Variants in CPNE4 observed in about 807,000 individuals in gnomAD.
CPNE4 encodes copine-4.
In CPNE4, 25 loss-of-function variants were observed where a neutral mutation model predicts 67.9. The ratio of observed to expected loss-of-function variants is 0.37; its 90% CI spans 0.27 to 0.51. The LOEUF (loss-of-function observed/expected upper bound fraction) is 0.51, where lower values mean the gene tolerates loss of function less well. Ranked by LOEUF, CPNE4 falls within the 20% of genes least tolerant of loss-of-function variation. CPNE4 has a pLI of 0.93. For missense variants in CPNE4, 464 were observed against 690.8 expected (o/e 0.67, Z 3.68); for synonymous variants, 242 against 244.9 (o/e 0.99, Z 0.11).
At chr3:132,036,955 T>C (rs1374900384), upstream of CPNE4, among the ~76,000 whole-genome samples, 1 of 152,178 alleles carries the variant, frequency 6.6e-6, no homozygotes, top group Non-Finnish European at 1.5e-5. Flanking sequence ...AAGAAAGTTT[T>C]ACTATATCTA....
intron 7 of CPNE4, among the ~76,000 whole-genome samples, chr3:131,657,176 G>A (rs1398464632): frequency 6.6e-6 from 1 of 152,172 alleles, no homozygotes. Flanking sequence ...TGTTAAACTT[G>A]TATATGATGC....
intron 7 of CPNE4, among the ~76,000 whole-genome samples, chr3:131,630,277 T>A (rs1160416072): frequency 6.6e-6 from 1 of 152,214 alleles, no homozygotes; most frequent in Admixed American, 6.5e-5. Flanking sequence ...TAACTTATTT[T>A]ACTTAATCAT....
intron 6 of CPNE4, among the ~76,000 whole-genome samples, chr3:131,674,054 A>C (rs1449517888): frequency 6.6e-6 from 1 of 151,848 alleles, no homozygotes; most frequent in East Asian, 1.9e-4. Context: ...ATGCTTCTTC[A>C]GTATTAATTG....
rs35525721 is a variant in CPNE4, at chr3:131,925,157, T to TTCTCTCTC, written c.-1-19721_-1-19714dup. On this transcript the variant is annotated intron_variant, in intron 1 of 15. Coordinates refer to ENST00000429747, the MANE Select transcript of CPNE4 (RefSeq NM_130808.3). Reference sequence around the variant, plus strand: ...TGATTCTCTCTCTCTTGTTCTCATATTCTCTCTCTCTCTCTCTCTCTCATA... The same window carrying TTCTCTCTC: ...TGATTCTCTCTCTCTTGTTCTCATATTCTCTCTCTCTCTCTCTCTCTCTCTCTCTCATA... 7.5e-5 allele frequency among the ~76,000 whole-genome samples: 11 copies of TTCTCTCTC among 147,270 alleles called. 1 individual carries two copies. Among genetic ancestry groups the TTCTCTCTC allele is most frequent in the African/African-American group, 2.5e-4 (10 of 40,030 alleles).
chr3:131,765,506 T>G (rs1458598528), intron 2 of CPNE4, among the ~76,000 whole-genome samples: 1 of 152,078 alleles, frequency 6.6e-6, no homozygotes, highest in Admixed American at 6.6e-5. Context: ...CAGTTCTCTG[T>G]CTTGTAAAAC....
chr3:132,024,091 T>G (rs1342331627), intron 1 of CPNE4, among the ~76,000 whole-genome samples: 1 of 151,500 alleles, frequency 6.6e-6, no homozygotes, highest in Non-Finnish European at 1.5e-5. Flanking sequence ...AATTTTTTTT[T>G]TTTTTTTTTT....
intron 1 of CPNE4, among the ~76,000 whole-genome samples, chr3:131,947,704 C>T (rs1165652253): frequency 6.6e-6 from 1 of 152,084 alleles, no homozygotes; most frequent in Non-Finnish European, 1.5e-5. Flanking sequence ...CATACGTGTG[C>T]ATGTATCTTT....
chr3:131,878,638 G>A (rs1000626653), intron 2 of CPNE4, among the ~76,000 whole-genome samples: 2 of 152,154 alleles, frequency 1.3e-5, no homozygotes, highest in Non-Finnish European at 2.9e-5. Context: ...ATTTATCAGA[G>A]GACATTCCTC....
At chr3:131,698,609 A>G (rs1490906270) in intron 4 of CPNE4, among the ~76,000 whole-genome samples, 1 of 99,664 alleles carries the variant, frequency 1.0e-5, no homozygotes, top group Non-Finnish European at 2.1e-5. Context: ...TCCTGTGCTT[A>G]AAAAAAAAAA....
At chr3:131,636,222 G>C (rs1042030579) in intron 7 of CPNE4, among the ~76,000 whole-genome samples, 2 of 152,292 alleles carry the variant, frequency 1.3e-5, no homozygotes, top group East Asian at 3.9e-4. Context: ...TGGCAGGGAG[G>C]CTTGTGGTCT....
At chr3:132,028,480 T>C (rs949954894) in intron 1 of CPNE4, among the ~76,000 whole-genome samples, 1 of 151,942 alleles carries the variant, frequency 6.6e-6, no homozygotes, top group East Asian at 1.9e-4. Flanking sequence ...ATTCAACAGA[T>C]AGATGAATGA....
At chr3:131,728,467 C>G (rs1174044722) in intron 2 of CPNE4, among the ~76,000 whole-genome samples, 1 of 152,076 alleles carries the variant, frequency 6.6e-6, no homozygotes, top group Non-Finnish European at 1.5e-5. Context: ...CACTGTTGCT[C>G]AAAGTAATGC....
chr3:131,807,115 G>A (rs1181646561), intron 2 of CPNE4, among the ~76,000 whole-genome samples: 3 of 152,198 alleles, frequency 2.0e-5, no homozygotes, highest in Non-Finnish European at 4.4e-5. Flanking sequence ...TATGCTGCCA[G>A]TGCCTGGCGG....
intron 7 of CPNE4, among the ~76,000 whole-genome samples, chr3:131,618,239 T>C (rs566714292): frequency 1.3e-5 from 2 of 152,144 alleles, no homozygotes; most frequent in East Asian, 1.9e-4. Flanking sequence ...TAGAAAGGGA[T>C]GCTTAACTCA....
At chr3:131,558,411 A>G (rs922136418) in intron 11 of CPNE4, among the ~76,000 whole-genome samples, 1 of 152,072 alleles carries the variant, frequency 6.6e-6, no homozygotes, top group Admixed American at 6.6e-5. Context: ...CACCCAGCAA[A>G]GGGCCATTTA....
intron 7 of CPNE4, among the ~76,000 whole-genome samples, chr3:131,627,055 C>G (rs1366801288): frequency 3.3e-5 from 5 of 151,520 alleles, no homozygotes; most frequent in African/African-American, 1.2e-4. Flanking sequence ...TAGCCAGGTG[C>G]GGTGGTGGGC....
intron 7 of CPNE4, among the ~76,000 whole-genome samples, chr3:131,666,824 G>A (rs550717445): frequency 1.8e-3 from 272 of 152,184 alleles, no homozygotes; most frequent in African/African-American, 6.2e-3. Context: ...GAGCGAGAAC[G>A]AACTGATTAA....
intron 2 of CPNE4, among the ~76,000 whole-genome samples, chr3:131,885,048 T>C (rs2087824597): frequency 6.6e-6 from 1 of 151,900 alleles, no homozygotes; most frequent in Non-Finnish European, 1.5e-5. Flanking sequence ...CAGGCAGAGG[T>C]TGGAACAATT....
chr3:131,829,489 T>G (rs377350055), intron 2 of CPNE4, among the ~76,000 whole-genome samples: 5 of 152,314 alleles, frequency 3.3e-5, no homozygotes, highest in African/African-American at 9.6e-5. Context: ...ACCATTATGA[T>G]CCCAGTGCCT....
Sources: allele counts gnomAD v4.1 joint callset (sites outside exome capture counted in the v4.1 genomes callset), GRCh38; gene constraint gnomAD v4.1.1; transcripts MANE v1.5; gene names NCBI Gene and HGNC (gene_info 2026-07-23, HGNC 2026-07-21).